Variants in RGS12 observed in about 807,000 individuals in gnomAD.
RGS12 encodes the protein regulator of G-protein signaling 12.
Under a neutral mutation model 120.1 loss-of-function variants are expected in RGS12, and 66 were observed. The observed-to-expected ratio is 0.55, with a 90% CI of 0.45 to 0.67. The LOEUF (loss-of-function observed/expected upper bound fraction) is 0.67, where lower values mean the gene tolerates loss of function less well. Ranked by LOEUF, RGS12 falls within the 30% of genes least tolerant of loss-of-function variation. RGS12 has a pLI of 0.00. For missense variants in RGS12, 1,859 were observed against 1,957.7 expected (o/e 0.95, Z 0.95); for synonymous variants, 827 against 804.7 (o/e 1.03, Z -0.47).
At chr4:3,431,032 G>A (rs912958910) in intron 17 of RGS12, 77 bp downstream of exon 17, 6 of 1,538,364 alleles carry the variant, frequency 3.9e-6, no homozygotes, top group Non-Finnish European at 4.4e-6. Context: ...AAGGACAGTG[G>A]GCCCCCGGCT....
chr4:3,352,936 A>G (rs1176483299), intron 3 of RGS12, among the ~76,000 whole-genome samples: 2 of 152,218 alleles, frequency 1.3e-5, no homozygotes, highest in African/African-American at 4.8e-5. Flanking sequence ...CTGACAGACA[A>G]GAGTTGTGAG....
chr4:3,317,518 C>T lies in RGS12; in HGVS notation c.1348C>T (p.His450Tyr), dbSNP rs1405390351. 1 of 1,612,268 alleles carries T rather than the reference C, an allele frequency of 6.2e-7. No homozygotes were observed. Among genetic ancestry groups the T allele is most frequent in the Non-Finnish European group, 8.5e-7 (1 of 1,179,966 alleles). ...GGACCTGGGTGGGAGCTCGAGCAGACACGGCCCCGGAGGCAGCGCGTGGGA... is the reference window on the plus strand; with the variant it reads ...GGACCTGGGTGGGAGCTCGAGCAGATACGGCCCCGGAGGCAGCGCGTGGGA... ...VVDLGGSSSRHGPGGSAWDGV... is the reference protein window; with the variant it reads ...VVDLGGSSSRYGPGGSAWDGV... The change falls in exon 2 of 18, where the codon CAC becomes TAC. Residue 450 changes from histidine to tyrosine, a missense_variant. Around this residue, in one of 3 missense-constraint regions of RGS12, gnomAD observed 967 missense variants for 994.2 expected, o/e 0.97. Coordinates refer to ENST00000336727, the MANE Select transcript of RGS12 (RefSeq NM_001394154.1).
chr4:3,413,551 G>A (rs1053668935), intron 4 of RGS12: 3 of 153,504 alleles, frequency 2.0e-5, no homozygotes, highest in African/African-American at 7.2e-5. Context: ...CTTCGACTGA[G>A]CACGCTCCCG....
intron 3 of RGS12, among the ~76,000 whole-genome samples, chr4:3,354,778 T>C (rs78542739): frequency 0.032 from 4,895 of 152,306 alleles, 240 homozygotes; most frequent in African/African-American, 0.11. Context: ...GCTTTCAGTG[T>C]ATACATTAGA....
chr4:3,329,509 A>G (rs1711583881), intron 2 of RGS12, among the ~76,000 whole-genome samples: 1 of 152,176 alleles, frequency 6.6e-6, no homozygotes, highest in Non-Finnish European at 1.5e-5. Context: ...AAACCAAGTG[A>G]CACCTGAGAG....
At chr4:3,437,610 G>A (rs2109271808) in intron 17 of RGS12, among the ~76,000 whole-genome samples, 1 of 152,294 alleles carries the variant, frequency 6.6e-6, no homozygotes, top group East Asian at 1.9e-4. Flanking sequence ...CTAGCTCCTA[G>A]CCCTGGCAGA....
chr4:3,353,057 T>C (rs548334569), intron 3 of RGS12, among the ~76,000 whole-genome samples: 35 of 152,316 alleles, frequency 2.3e-4, no homozygotes, highest in African/African-American at 7.9e-4. Context: ...CCAGAGTGCG[T>C]GTGGTGTGCC....
the RGS12 span, among the ~76,000 whole-genome samples, chr4:3,287,957 G>A: frequency 1.3e-5 from 2 of 152,280 alleles, no homozygotes; most frequent in South Asian, 2.1e-4. Flanking sequence ...TCTGTTTGGG[G>A]GCACGCCAGC....
intron 2 of RGS12, among the ~76,000 whole-genome samples, chr4:3,329,100 C>T (rs1469093174): frequency 3.9e-5 from 6 of 152,148 alleles, no homozygotes; most frequent in Non-Finnish European, 5.9e-5. Flanking sequence ...CTGCACACTG[C>T]GAGCATCAGT....
intron 17 of RGS12, chr4:3,431,811 C>A: frequency 1.0e-6 from 1 of 985,694 alleles, no homozygotes; most frequent in Non-Finnish European, 1.2e-6. Context: ...ATGGGAGCGC[C>A]TCTCCGTCCT....
At position 3,389,479 on chromosome 4, in the gene RGS12, C is replaced by T. The variant is rs544885070; in HGVS notation, c.2020+3042C>T. Among the ~76,000 whole-genome samples the T allele has an allele frequency of 2.6e-5, 4 of 152,128 alleles. No homozygotes were observed. Among genetic ancestry groups the T allele is most frequent in the Non-Finnish European group, 5.9e-5 (4 of 68,020 alleles). ...GAAGAAATGAGAAAAGGAAGATGCC[C>T]GGTTGCTCCTGGAAAAAGGAACCTC... On this transcript the variant is annotated intron_variant, in intron 4 of 17. Coordinates refer to ENST00000336727, the MANE Select transcript of RGS12 (RefSeq NM_001394154.1). The surrounding 1 kb of genome is among the most constrained non-coding windows in gnomAD (Gnocchi z 5.2).
chr4:3,308,998 G>C (rs1261438179), intron 1 of RGS12, among the ~76,000 whole-genome samples: 1 of 152,270 alleles, frequency 6.6e-6, no homozygotes, highest in Non-Finnish European at 1.5e-5. Flanking sequence ...CCGCTGAGGG[G>C]AACCGGGCAG....
chr4:3,377,996 G>T (rs1274567680), intron 3 of RGS12, among the ~76,000 whole-genome samples: 1 of 152,144 alleles, frequency 6.6e-6, no homozygotes, highest in Non-Finnish European at 1.5e-5. Context: ...TTTTTCCATG[G>T]GTGGCTTTGT....
chr4:3,349,924 C>T (rs1352444273), intron 3 of RGS12, among the ~76,000 whole-genome samples: 1 of 152,200 alleles, frequency 6.6e-6, no homozygotes, highest in Non-Finnish European at 1.5e-5. Context: ...CATAGCATAA[C>T]TTTAAGATTT....
At chr4:3,327,326 TAAA>T (rs987827962) in intron 2 of RGS12, among the ~76,000 whole-genome samples, 10 of 152,278 alleles carry the variant, frequency 6.6e-5, no homozygotes, top group African/African-American at 2.4e-4. Context: ...CCTGAAACTA[TAAA>T]AATACTAGAA....
intron 4 of RGS12, among the ~76,000 whole-genome samples, chr4:3,410,427 C>T (rs73079008): frequency 0.018 from 2,676 of 152,258 alleles, 71 homozygotes; most frequent in African/African-American, 0.059. Context: ...AGAACAGGAT[C>T]GGCCCCCGAG....
chr4:3,379,664 CCTT>C (rs977128986), intron 3 of RGS12, among the ~76,000 whole-genome samples: 11 of 152,112 alleles, frequency 7.2e-5, no homozygotes, highest in Non-Finnish European at 1.2e-4. Context: ...GCAACCATGT[CCTT>C]CTTCATATGG....
Position 3,414,165 on chromosome 4 carries a change from G to A in RGS12, c.2114G>A (p.Arg705His), listed in dbSNP as rs1338908062. The change falls in exon 5 of 18, where the codon CGT (arginine) becomes CAT (histidine). Residue 705 changes from arginine to histidine, a missense_variant. Physicochemically the swap from Arg to His is conservative, Grantham distance 29. This residue lies in a region of RGS12 where 967 missense variants were observed against 994.2 expected (regional missense o/e 0.97). Transcript: ENST00000336727. ...AGCGTGCAGAGCTGCCGGCGCCTGC[G>A]TGAGAGGAGGGTCGCCAGCTGGGCC... is the stretch of plus-strand genomic sequence containing the variant. The part of the protein sequence containing the change: ...LPSVQSCRRL[R>H]ERRVASWAVS... 49 of 1,556,882 alleles carry A rather than the reference G, an allele frequency of 3.1e-5. No individual in the cohort carries two copies. The highest frequency in any genetic ancestry group is 1.7e-4 in the Middle Eastern group (1 of 5,924).
the RGS12 span, among the ~76,000 whole-genome samples, chr4:3,286,572 G>A: frequency 1.3e-5 from 2 of 152,210 alleles, no homozygotes; most frequent in South Asian, 2.1e-4. Context: ...GCCTCCTGGG[G>A]TGGAAGCCTG....
Sources: gnomAD v4.1 joint callset for allele counts (sites outside exome capture counted in the v4.1 genomes callset) on GRCh38, gnomAD v4.1.1 for gene constraint, gnomAD v4.1.1 regional missense constraint, Gnocchi (gnomAD v3.1) non-coding constraint, MANE v1.5 for transcripts, NCBI Gene and HGNC (gene_info 2026-07-23, HGNC 2026-07-21) for gene names.